Variants in SGIP1 observed in about 807,000 individuals in gnomAD.
SGIP1 encodes SH3-containing GRB2-like protein 3-interacting protein 1.
In SGIP1, 38 loss-of-function variants were observed where a neutral mutation model predicts 107.5. That is an observed-to-expected ratio of 0.35 (90% CI 0.27 to 0.46). The LOEUF is 0.46. Among genes scored for constraint, SGIP1 ranks in the 20% least tolerant of loss-of-function variants. The pLI, the probability that SGIP1 is intolerant of heterozygous loss-of-function variation, is 1.00. For synonymous variants in SGIP1, 365 were observed against 366.1 expected (o/e 1.00, Z 0.03); for missense variants, 929 against 1,019.5 (o/e 0.91, Z 1.21).
chr1:66,609,208 GT>G (rs2067452721), intron 1 of SGIP1, among the ~76,000 whole-genome samples: 1 of 152,196 alleles, frequency 6.6e-6, no homozygotes, highest in Admixed American at 6.6e-5. Flanking sequence ...CAAAGACAAT[GT>G]AAACTGTAAT....
intron 18 of SGIP1, among the ~76,000 whole-genome samples, chr1:66,716,930 T>A (rs2093279247): frequency 1.3e-5 from 2 of 151,980 alleles, no homozygotes; most frequent in African/African-American, 4.8e-5. Flanking sequence ...AATACCACAC[T>A]TCCCGTGGTT....
At chr1:66,665,329 C>A (rs998464621) in intron 8 of SGIP1, among the ~76,000 whole-genome samples, 1 of 152,176 alleles carries the variant, frequency 6.6e-6, no homozygotes, top group African/African-American at 2.4e-5. Context: ...GCATAGTATT[C>A]CATGGTGTAT....
In SGIP1 at chr1:66,618,256, G is replaced by A. The variant is rs540425266; in HGVS notation, c.11-7591G>A. ...CACTCTGAGTCCCTGCTCTCTGGCC[G>A]AAGGCCTGTGTACTCAGATTGGTCC... On this transcript the variant is annotated intron_variant, in intron 1 of 24. Coordinates refer to ENST00000371037, the MANE Select transcript of SGIP1 (RefSeq NM_032291.4). Among the ~76,000 whole-genome samples, 17 of 152,330 alleles carry A rather than the reference G, an allele frequency of 1.1e-4. No individual in the cohort carries two copies. The South Asian group carries it at 2.7e-3, about 24-fold the overall frequency.
At chr1:66,553,023 T>C (rs2057657011) in intron 1 of SGIP1, among the ~76,000 whole-genome samples, 1 of 152,168 alleles carries the variant, frequency 6.6e-6, no homozygotes, top group South Asian at 2.1e-4. Context: ...AGCCAAGTTT[T>C]GTTTTTCTCT....
intron 2 of SGIP1, among the ~76,000 whole-genome samples, chr1:66,627,998 T>C (rs924017736): frequency 1.3e-5 from 2 of 151,156 alleles, no homozygotes; most frequent in African/African-American, 2.4e-5. Context: ...ACATGTGGTG[T>C]TTGATTTTTT....
chr1:66,635,864 C>T (rs2075674793), intron 3 of SGIP1, 80 bp from the exon 4 acceptor site: 3 of 1,398,160 alleles, frequency 2.1e-6, no homozygotes, highest in Non-Finnish European at 3.0e-6. Context: ...TTGCTGACTC[C>T]ATGTAATTCT....
chr1:66,642,792 T>C lies in SGIP1; in HGVS notation c.229-18T>C, dbSNP rs2077018187. 2 of 1,600,550 alleles carry C rather than the reference T, an allele frequency of 1.2e-6. No homozygotes were observed. Among genetic ancestry groups the C allele is most frequent in the African/African-American group, 1.3e-5 (1 of 74,136 alleles). On this transcript the variant is annotated intron_variant, in intron 5 of 24. Coordinates refer to ENST00000371037, the MANE Select transcript of SGIP1 (RefSeq NM_032291.4). ...CTGTTAGGATAATAATTACTTCATG[T>C]GCACTTGTGTTTTATAGAACTCACC...
chr1:66,543,605 T>A (rs547860264), intron 1 of SGIP1, among the ~76,000 whole-genome samples: 10 of 152,274 alleles, frequency 6.6e-5, no homozygotes, highest in South Asian at 4.2e-4. Flanking sequence ...AATGAATGTG[T>A]CCCCAGGGTC....
chr1:66,677,013 A>C lies in SGIP1; in HGVS notation c.656A>C (p.Asp219Ala). 1 of 1,609,610 alleles carries C rather than the reference A, an allele frequency of 6.2e-7. No individual in the cohort carries two copies. Among genetic ancestry groups the C allele is most frequent in the Non-Finnish European group, 8.5e-7 (1 of 1,178,936 alleles). The part of the protein sequence containing the change: ...FDEQKTEVLL[D>A]QPEIWGSGQP... The stretch of plus-strand genomic sequence containing the variant: ...TCTTTTTTGTTTCCAGTTCTTTTAG[A>C]TCAGCCTGAGATATGGGGTTCAGGC... Residue 219 changes from aspartate (D) to alanine (A), a missense_variant, in exon 13 of 25, where the codon GAT becomes GCT. Physicochemically the swap from Asp to Ala is moderately radical, Grantham distance 126 (BLOSUM62 -2). Coordinates refer to ENST00000371037, the MANE Select transcript of SGIP1 (RefSeq NM_032291.4).
chr1:66,723,292 T>C (rs180843279), intron 19 of SGIP1, among the ~76,000 whole-genome samples: 4 of 152,312 alleles, frequency 2.6e-5, no homozygotes, highest in East Asian at 1.9e-4. Flanking sequence ...AGACCATCCA[T>C]TGGGAACAGA....
Position 66,534,197 on chromosome 1 carries a change from T to C in SGIP1, c.-162T>C. 1 of 695,306 alleles carries C rather than the reference T, an allele frequency of 1.4e-6. No individual in the cohort carries two copies. Among genetic ancestry groups the C allele is most frequent in the Non-Finnish European group, 2.6e-6 (1 of 388,808 alleles). The allele number at this position is 695,306 out of a possible 1,614,324, so 43.1% of individuals were successfully genotyped here. ...TGTAGGTGAAGAAGCACCAGCAGCA[T>C]CCATGGCCTGTCTTTTGGCTTAACA... On this transcript the variant is annotated 5_prime_UTR_variant, in exon 1 of 25. Coordinates refer to ENST00000371037, the MANE Select transcript of SGIP1 (RefSeq NM_032291.4).
In SGIP1 at chr1:66,679,734, C is replaced by T. The variant is rs1167784536; in HGVS notation, c.796C>T (p.Pro266Ser). 1 of 1,601,796 alleles carries T rather than the reference C, an allele frequency of 6.2e-7. No individual in the cohort carries two copies. Among genetic ancestry groups the T allele is most frequent in the South Asian group, 1.1e-5 (1 of 88,514 alleles). ...AGCTACCCCACCCCGAACAGGATCCCCCTTAACAATTGGACCAGGTACGCT... is the reference window on the plus strand; with the variant it reads ...AGCTACCCCACCCCGAACAGGATCCTCCTTAACAATTGGACCAGGTACGCT... ...VPATPPRTGS[P>S]LTIGPGNDQS... is the part of the protein sequence containing the mutation. The change falls in exon 14 of 25, where the codon CCC (proline) becomes TCC (serine). Residue 266 changes from proline to serine, a missense_variant. Transcript: ENST00000371037.
chr1:66,668,963 T>G (rs572927171), intron 9 of SGIP1, among the ~76,000 whole-genome samples: 2 of 152,204 alleles, frequency 1.3e-5, no homozygotes, highest in South Asian at 4.1e-4. Context: ...CCTCAGTCTT[T>G]TTCTAGATAT....
At chr1:66,598,078 T>C (rs1365018163) in intron 1 of SGIP1, among the ~76,000 whole-genome samples, 1 of 152,164 alleles carries the variant, frequency 6.6e-6, no homozygotes, top group East Asian at 1.9e-4. Flanking sequence ...TTGTCCCTTT[T>C]TCCAACAATT....
chr1:66,747,448 C>G lies in SGIP1; in HGVS notation c.*4353C>G, dbSNP rs1204703483. The G allele has an allele frequency of 6.6e-6, 1 of 151,960 alleles. No homozygotes were observed. Among genetic ancestry groups the G allele is most frequent in the Non-Finnish European group, 1.5e-5 (1 of 67,878 alleles). 9.4% of individuals were successfully genotyped at this position (151,960 alleles called of 1,614,324 possible). ...AGTTACTCTGTTATACTATCTCAGTCTCAAAGTAGCCTGAAATGCATTTTC... is the reference window on the plus strand; with the variant it reads ...AGTTACTCTGTTATACTATCTCAGTGTCAAAGTAGCCTGAAATGCATTTTC... On this transcript the variant is annotated 3_prime_UTR_variant, in exon 25 of 25. Transcript: ENST00000371037.
intron 1 of SGIP1, among the ~76,000 whole-genome samples, chr1:66,538,023 G>A (rs948735775): frequency 2.2e-4 from 34 of 152,132 alleles, no homozygotes; most frequent in African/African-American, 7.9e-4. Flanking sequence ...AATATTGACA[G>A]AACTATACTC....
chr1:66,559,475 A>G (rs1480609838), intron 1 of SGIP1, among the ~76,000 whole-genome samples: 4 of 152,008 alleles, frequency 2.6e-5, no homozygotes, highest in Non-Finnish European at 5.9e-5. Flanking sequence ...GGAAGAGAAA[A>G]CTCTAACTCA....
Position 66,536,516 on chromosome 1 carries a change from A to G in SGIP1, c.10+2148A>G, listed in dbSNP as rs370101593. On this transcript the variant is annotated intron_variant, in intron 1 of 24. Coordinates refer to ENST00000371037, the MANE Select transcript of SGIP1 (RefSeq NM_032291.4). The stretch of plus-strand genomic sequence containing the variant: ...GGCAATATACATTCATGTTTCTGGT[A>G]TTGCATGGCAGAATTTCACCTCTGA... Among the ~76,000 whole-genome samples, 5 of 152,314 alleles carry G rather than the reference A, an allele frequency of 3.3e-5. No homozygotes were observed. In the East Asian group the frequency reaches 7.7e-4, roughly 23 times the overall value.
At chr1:66,639,899 C>A in intron 5 of SGIP1, 66 bp downstream of exon 5, 1 of 1,319,682 alleles carries the variant, frequency 7.6e-7, no homozygotes, top group Non-Finnish European at 1.1e-6. Flanking sequence ...TTGAGGCATT[C>A]TTATAATAGG....
Sources: gnomAD v4.1 joint callset for allele counts (sites outside exome capture counted in the v4.1 genomes callset) on GRCh38, gnomAD v4.1.1 for gene constraint, MANE v1.5 for transcripts, NCBI Gene and HGNC (gene_info 2026-07-23, HGNC 2026-07-21) for gene names.